Variants in SVEP1 observed in about 807,000 individuals in gnomAD.
SVEP1 encodes the protein sushi, von Willebrand factor type A, EGF and pentraxin domain-containing protein 1.
A neutral mutation model predicts 367.3 loss-of-function variants in SVEP1; 164 were observed. The ratio of observed to expected loss-of-function variants is 0.45; its 90% CI spans 0.39 to 0.51. SVEP1 has a LOEUF of 0.51. Among genes scored for constraint, SVEP1 ranks in the 20% least tolerant of loss-of-function variants. The pLI is 0.00. For missense variants in SVEP1, 4,117 were observed against 4,425.3 expected, an observed-to-expected ratio of 0.93 and a Z score of 1.98; for synonymous variants, 1,666 against 1,611.6, an observed-to-expected ratio of 1.03 and a Z score of -0.81.
intron 3 of SVEP1, among the ~76,000 whole-genome samples, chr9:110,525,784 TA>T (rs1035663419): frequency 2.6e-5 from 4 of 151,964 alleles, no homozygotes; most frequent in African/African-American, 4.8e-5. Flanking sequence ...TTTACTTTTT[TA>T]AAAAAATTAT....
chr9:110,425,900 T>G (rs2118539020), intron 36 of SVEP1, among the ~76,000 whole-genome samples: 1 of 152,358 alleles, frequency 6.6e-6, no homozygotes, highest in African/African-American at 2.4e-5. Flanking sequence ...TGGATGACTT[T>G]TAAATATAGA....
rs552406027 is a variant in SVEP1 at position 110,392,956 on chromosome 9, G to A, written c.9823-3369C>T. 2.2e-4 allele frequency among the ~76,000 whole-genome samples: 33 copies of A among 152,158 alleles called. 1 individual carries two copies. The South Asian group carries it at 5.0e-3, about 23-fold the overall frequency. Reference sequence around the variant, plus strand: ...AGGCAATATTTTACATTTCTTGTCCGAGACCTGGAGTTGGTAATTTCTCCA... The same window carrying A: ...AGGCAATATTTTACATTTCTTGTCCAAGACCTGGAGTTGGTAATTTCTCCA... On this transcript the variant is annotated intron_variant, in intron 40 of 47. Transcript: ENST00000374469.
rs922506744 is a variant in SVEP1, at chr9:110,479,522, T to C, written c.2487+113A>G. 5 of 1,294,668 alleles carry C rather than the reference T, an allele frequency of 3.9e-6. No individual in the cohort carries two copies. The African/African-American group carries it at 4.5e-5, about 12-fold the overall frequency. 80.2% of individuals were successfully genotyped at this position (1,294,668 alleles called of 1,614,324 possible). ...AATAATTTTAAATATTAGGTACATG[T>C]CTGGATCACAAAGAAGAGGGAAATA... On this transcript the variant is annotated intron_variant, in intron 13 of 47. Coordinates refer to ENST00000374469, the MANE Select transcript of SVEP1 (RefSeq NM_153366.4).
At position 110,511,330 on chromosome 9, in the gene SVEP1, G is replaced by A. The variant is rs926938740; in HGVS notation, c.1303+1596C>T. Among the ~76,000 whole-genome samples the A allele has an allele frequency of 2.6e-5, 4 of 151,874 alleles. No individual in the cohort carries two copies. In the East Asian group the frequency reaches 5.8e-4, roughly 22 times the overall value. ...TCTGTTCTCTCTCTGGATTCCTCACGTGAAAAGAGTCTATTTCCTGTGACT... is the reference window on the plus strand; with the variant it reads ...TCTGTTCTCTCTCTGGATTCCTCACATGAAAAGAGTCTATTTCCTGTGACT... On this transcript the variant is annotated intron_variant, in intron 5 of 47. Transcript: ENST00000374469.
chr9:110,478,998 A>G (rs997914060), intron 13 of SVEP1, among the ~76,000 whole-genome samples: 1 of 151,306 alleles, frequency 6.6e-6, no homozygotes, highest in South Asian at 2.1e-4. Flanking sequence ...GTTCACTGCA[A>G]CCTCCACCTC....
intron 1 of SVEP1, among the ~76,000 whole-genome samples, chr9:110,570,969 C>A (rs73534566): frequency 0.12 from 15,835 of 135,212 alleles, 1,087 homozygotes; most frequent in East Asian, 0.37. Flanking sequence ...CCAGATGGCT[C>A]CTTTTTTTTT....
chr9:110,366,672 G>A (rs770528245), intron 47 of SVEP1, 112 bp from the exon 48 acceptor site: 7 of 1,052,276 alleles, frequency 6.7e-6, no homozygotes, highest in Middle Eastern at 5.5e-4. Context: ...CAGATACCTG[G>A]GCATTATCTG....
intron 3 of SVEP1, among the ~76,000 whole-genome samples, chr9:110,519,994 T>C (rs1264169655): frequency 6.6e-6 from 1 of 152,186 alleles, no homozygotes; most frequent in Non-Finnish European, 1.5e-5. Flanking sequence ...ATCCTCCATA[T>C]GAATGGTCAG....
intron 8 of SVEP1, among the ~76,000 whole-genome samples, chr9:110,492,682 C>T (rs1829386878): frequency 6.6e-6 from 1 of 151,808 alleles, no homozygotes; most frequent in African/African-American, 2.4e-5. Flanking sequence ...CTGTCTTCTC[C>T]ATGGGGCAAG....
At chr9:110,506,811 A>G (rs1829633661) in intron 5 of SVEP1, among the ~76,000 whole-genome samples, 1 of 152,128 alleles carries the variant, frequency 6.6e-6, no homozygotes, top group Non-Finnish European at 1.5e-5. Context: ...GAAGAAAGGA[A>G]AGAGAAAGGG....
intron 6 of SVEP1, 148 bp downstream of exon 6, chr9:110,502,890 T>G: frequency 1.4e-6 from 1 of 700,896 alleles, no homozygotes; most frequent in Non-Finnish European, 2.2e-6. Flanking sequence ...CATCTGTTTT[T>G]GTATCTGTAA....
chr9:110,400,738 T>C lies in SVEP1; in HGVS notation c.9822+116A>G, dbSNP rs971120360. 15 of 1,133,432 alleles carry C rather than the reference T, an allele frequency of 1.3e-5. No homozygotes were observed. In the East Asian group the frequency reaches 1.6e-4, roughly 12 times the overall value. The allele number at this position is 1,133,432 out of a possible 1,614,324, so 70.2% of individuals were successfully genotyped here. ...AATGTTAGAGTATAAGGGAACAAAG[T>C]ATAATAGAATCTTTTGAGACCAAAG... On this transcript the variant is annotated intron_variant, in intron 40 of 47. Coordinates refer to ENST00000374469, the MANE Select transcript of SVEP1 (RefSeq NM_153366.4).
intron 3 of SVEP1, among the ~76,000 whole-genome samples, chr9:110,528,769 GATT>G (rs917329469): frequency 4.0e-4 from 60 of 150,934 alleles, no homozygotes; most frequent in African/African-American, 1.4e-3. Flanking sequence ...GTTTACTGTT[GATT>G]ATTATTATTA....
chr9:110,469,432 T>C (rs1828984262), intron 16 of SVEP1, among the ~76,000 whole-genome samples: 1 of 152,144 alleles, frequency 6.6e-6, no homozygotes, highest in Admixed American at 6.5e-5. Flanking sequence ...AAAAAGCTGA[T>C]GGAGAAAAAA....
At chr9:110,466,952 G>C (rs73655352) in intron 17 of SVEP1, among the ~76,000 whole-genome samples, 520 of 152,034 alleles carry the variant, frequency 3.4e-3, no homozygotes, top group African/African-American at 0.012. Context: ...ACAGGACTTT[G>C]GCCAGATGCC....
At chr9:110,435,810 T>C (rs1439207648) in intron 28 of SVEP1, among the ~76,000 whole-genome samples, 2 of 152,218 alleles carry the variant, frequency 1.3e-5, no homozygotes, top group Admixed American at 6.5e-5. Context: ...CAAATGTATA[T>C]GTAGTATTTT....
intron 30 of SVEP1, among the ~76,000 whole-genome samples, chr9:110,433,486 T>TA (rs1185016277): frequency 7.0e-5 from 8 of 113,774 alleles, no homozygotes; most frequent in African/African-American, 2.0e-4. Flanking sequence ...TTTTTTTTTT[T>TA]AAGATAGGGT....
intron 1 of SVEP1, among the ~76,000 whole-genome samples, chr9:110,576,227 T>TCACACACACACACA (rs57822772): frequency 2.7e-4 from 41 of 150,020 alleles, no homozygotes; most frequent in Non-Finnish European, 7.4e-5. Flanking sequence ...ATAGGTAGTC[T>TCACACACACACACA]CACACACACA....
intron 28 of SVEP1, among the ~76,000 whole-genome samples, chr9:110,435,827 T>G (rs1828422763): frequency 6.6e-6 from 1 of 152,202 alleles, no homozygotes; most frequent in South Asian, 2.1e-4. Flanking sequence ...TTTTGTTCAA[T>G]CTTGTCAAAA....
Sources: gnomAD v4.1 joint callset for allele counts (sites outside exome capture counted in the v4.1 genomes callset) on GRCh38, gnomAD v4.1.1 for gene constraint, MANE v1.5 for transcripts, NCBI Gene and HGNC (gene_info 2026-07-23, HGNC 2026-07-21) for gene names.